The following ZNF782 variants were observed in gnomAD, a reference collection of about 807,000 sequenced individuals.
The protein encoded by ZNF782 is zinc finger protein 782.
A neutral mutation model predicts 13.0 loss-of-function variants in ZNF782; 12 were observed. That is an observed-to-expected ratio of 0.92 (90% CI 0.59 to 1.50). The LOEUF (loss-of-function observed/expected upper bound fraction) is 1.50, where lower values mean the gene tolerates loss of function less well. Ranked by LOEUF, ZNF782 falls within the 40% of genes most tolerant of loss-of-function variation. ZNF782 has a pLI of 0.00. For missense variants in ZNF782, 770 were observed against 822.9 expected, an observed-to-expected ratio of 0.94 and a Z score of 0.79; for synonymous variants, 284 against 283.0, an observed-to-expected ratio of 1.00 and a Z score of -0.04.
Position 96,873,217 on chromosome 9 carries a change from C to T in ZNF782, c.-457+2251G>A, listed in dbSNP as rs150529383. Reference sequence around the variant, plus strand: ...ATCTTTAAATAACTCATCACCTCATCTTGATAAACTGCAGACTAGAATCAG... The same window carrying T: ...ATCTTTAAATAACTCATCACCTCATTTTGATAAACTGCAGACTAGAATCAG... On this transcript the variant is annotated intron_variant, in intron 1 of 5. Transcript: ENST00000498811. 4.9e-3 allele frequency among the ~76,000 whole-genome samples: 749 copies of T among 152,200 alleles called. 6 individuals are homozygous for T. Among genetic ancestry groups the T allele is most frequent in the African/African-American group, 0.017 (705 of 41,508 alleles).
At chr9:96,917,887 CGTGTGTGTGTGT>C in the ZNF782 span, among the ~76,000 whole-genome samples, 80 of 121,714 alleles carry the variant, frequency 6.6e-4, 1 homozygote, top group Admixed American at 2.1e-3. Flanking sequence ...CCACCCTTGG[CGTGTGTGTGTGT>C]GTGTGTGTGT....
intron 1 of ZNF782, among the ~76,000 whole-genome samples, chr9:96,869,229 AC>A (rs1297949275): frequency 6.6e-6 from 1 of 152,182 alleles, no homozygotes; most frequent in Non-Finnish European, 1.5e-5. Context: ...ACAAAGATTC[AC>A]ATTATTTAAA....
rs751177695 is a variant in ZNF782, at chr9:96,819,403, G to T, written c.620C>A (p.Thr207Lys). The T allele has an allele frequency of 1.2e-5, 20 of 1,609,466 alleles. No individual in the cohort carries two copies. In the East Asian group the frequency reaches 4.2e-4, roughly 34 times the overall value. ...AAAATCTTGCCCCAGAGTCTGAATT[G>T]TCTGATGTTGAATAACTTCCTCCTT... ...HHKEEVIQHQ[T>K]IQTLGQDFEY... Residue 207 changes from threonine to lysine, a missense_variant, in exon 6 of 6, where the codon ACA (threonine) becomes AAA (lysine). Physicochemically the swap from Thr to Lys is moderately conservative, Grantham distance 78. Coordinates refer to ENST00000481138, the MANE Select transcript of ZNF782 (RefSeq NM_001001662.3).
In ZNF782 at chr9:96,853,898, T is replaced by C. The variant is rs116150929; in HGVS notation, c.-262+190A>G. On this transcript the variant is annotated intron_variant, in intron 1 of 5. Coordinates refer to ENST00000481138, the MANE Select transcript of ZNF782 (RefSeq NM_001001662.3). The stretch of plus-strand genomic sequence containing the variant: ...AATGGAACAAAGTGTCTTCTAAATA[T>C]AACAGCAGCAGTCCGCTCATGGCTT... Among the ~76,000 whole-genome samples, 1,344 of 152,334 alleles carry C rather than the reference T, an allele frequency of 8.8e-3. 22 individuals are homozygous for C. The highest frequency in any genetic ancestry group is 0.031 in the African/African-American group (1,289 of 41,580).
rs1428077848 is a variant in ZNF782, at chr9:96,819,879, T to G, written c.245-101A>C. ...ATGCCCTATTATGTATTTGATTCCT[T>G]AGTTTCTGGCTCAGTTTCTCAACAA... On this transcript the variant is annotated intron_variant, in intron 5 of 5. Coordinates refer to ENST00000481138, the MANE Select transcript of ZNF782 (RefSeq NM_001001662.3). 3.2e-6 allele frequency: 3 copies of G among 946,516 alleles called. No homozygotes were observed. In the African/African-American group the frequency reaches 5.2e-5, roughly 16 times the overall value. The allele number at this position is 946,516 out of a possible 1,614,324, so 58.6% of individuals were successfully genotyped here. A position where few individuals can be genotyped will look rare whatever the true frequency, so the allele number is the denominator to read the frequency against.
At chr9:96,912,863 GT>G in the ZNF782 span, among the ~76,000 whole-genome samples, 6 of 151,420 alleles carry the variant, frequency 4.0e-5, no homozygotes, top group South Asian at 8.4e-4. Flanking sequence ...AGTTGCTGGG[GT>G]TTTTTTTGGC....
intron 3 of ZNF782, among the ~76,000 whole-genome samples, chr9:96,847,174 G>C (rs981979438): frequency 2.0e-5 from 3 of 152,114 alleles, no homozygotes; most frequent in Admixed American, 1.3e-4. Context: ...CTGGGATATA[G>C]CAAAGCAGTG....
At chr9:96,892,940 C>A in the ZNF782 span, 1 of 149,738 alleles carries the variant, frequency 6.7e-6, no homozygotes, top group African/African-American at 2.5e-5. Context: ...GACTCTATTT[C>A]TTCTGCCACA....
chr9:96,909,561 C>T, the ZNF782 span, among the ~76,000 whole-genome samples: 2 of 150,794 alleles, frequency 1.3e-5, no homozygotes, highest in Admixed American at 1.3e-4. Context: ...CTACACGTAA[C>T]TGGGGTTTTG....
the ZNF782 span, among the ~76,000 whole-genome samples, chr9:96,915,123 C>T: frequency 9.2e-5 from 14 of 151,796 alleles, no homozygotes; most frequent in African/African-American, 3.4e-4. Flanking sequence ...ATTCTTTGTT[C>T]AACCTGATTC....
At chr9:96,832,434 A>G (rs1332148178) in intron 4 of ZNF782, among the ~76,000 whole-genome samples, 1 of 152,264 alleles carries the variant, frequency 6.6e-6, no homozygotes, top group East Asian at 1.9e-4. Context: ...TACTCTTTGC[A>G]TTGTTCTTTC....
At chr9:96,918,802 TCAG>T in the ZNF782 span, 1 of 169,998 alleles carries the variant, frequency 5.9e-6, no homozygotes, top group African/African-American at 2.4e-5. Flanking sequence ...CAGGCTGAAC[TCAG>T]CAGCTCAGCC....
the ZNF782 span, among the ~76,000 whole-genome samples, chr9:96,902,048 G>A: frequency 2.0e-5 from 3 of 151,850 alleles, no homozygotes; most frequent in Non-Finnish European, 2.9e-5. Context: ...TATAACATAG[G>A]CCAGTGGTTC....
chr9:96,865,630 G>A (rs555896088), intron 1 of ZNF782, among the ~76,000 whole-genome samples: 21 of 152,298 alleles, frequency 1.4e-4, no homozygotes, highest in South Asian at 6.2e-4. Context: ...AAAGAAACCC[G>A]AAAATATGGA....
the ZNF782 span, among the ~76,000 whole-genome samples, chr9:96,933,160 A>T: frequency 1.4e-5 from 2 of 141,352 alleles, no homozygotes; most frequent in Non-Finnish European, 1.5e-5. Flanking sequence ...TTGTATTTTT[A>T]GTAGAGACGG....
At chr9:96,884,946 C>T in the ZNF782 span, among the ~76,000 whole-genome samples, 2 of 151,454 alleles carry the variant, frequency 1.3e-5, no homozygotes, top group South Asian at 4.2e-4. Flanking sequence ...CAGACACTAA[C>T]ACCAAGATAA....
upstream of ZNF782, among the ~76,000 whole-genome samples, chr9:96,854,883 G>C (rs1272360640): frequency 6.6e-6 from 1 of 151,372 alleles, no homozygotes; most frequent in South Asian, 2.1e-4. Flanking sequence ...TTTGTGAACT[G>C]TGAAAAAAAA....
At position 96,818,513 on chromosome 9, in the gene ZNF782, T is replaced by C. The variant is rs757979562; in HGVS notation, c.1510A>G (p.Arg504Gly). 30 of 1,613,956 alleles carry C rather than the reference T, an allele frequency of 1.9e-5. No homozygotes were observed. The highest frequency in any genetic ancestry group is 2.5e-5 in the Non-Finnish European group (29 of 1,180,034). ...RNHRRTHTGERPYKCDECGKA... is the reference protein window; with the variant it reads ...RNHRRTHTGEGPYKCDECGKA... ...CCACATTCATCACATTTATATGGTC[T>C]TTCCCCTGTGTGAGTTCTTCGGTGA... Residue 504 changes from arginine (R) to glycine (G), a missense_variant, in exon 6 of 6, where the codon AGA (arginine) becomes GGA (glycine). Transcript: ENST00000481138.
the ZNF782 span, among the ~76,000 whole-genome samples, chr9:96,933,245 T>C: frequency 1.3e-5 from 2 of 151,964 alleles, no homozygotes; most frequent in Non-Finnish European, 2.9e-5. Context: ...CCCAAAGTGC[T>C]GCGATTGCAG....
Sources: gnomAD v4.1 joint callset for allele counts (sites outside exome capture counted in the v4.1 genomes callset) on GRCh38, gnomAD v4.1.1 for gene constraint, MANE v1.5 for transcripts, NCBI Gene and HGNC (gene_info 2026-07-23, HGNC 2026-07-21) for gene names.